Variants in ARHGEF12 observed in about 807,000 individuals in gnomAD.
The protein encoded by ARHGEF12 is KMT2A/ARHGEF12 fusion protein.
A neutral mutation model predicts 211.2 loss-of-function variants in ARHGEF12; 66 were observed. That is an observed-to-expected ratio of 0.31 (90% CI 0.26 to 0.38). The LOEUF is 0.38. ARHGEF12 is among the 10% of genes least tolerant of loss of function. The probability of loss-of-function intolerance (pLI) is 1.00; values close to 1 mark genes in which losing one functional copy is unlikely to be tolerated. For missense variants in ARHGEF12, 1,429 were observed against 1,869.5 expected, an observed-to-expected ratio of 0.76 and a Z score of 4.34; for synonymous variants, 592 against 638.4, an observed-to-expected ratio of 0.93 and a Z score of 1.09.
At chr11:120,471,226 G>A (rs1946854893) in intron 30 of ARHGEF12, among the ~76,000 whole-genome samples, 1 of 152,070 alleles carries the variant, frequency 6.6e-6, no homozygotes, top group African/African-American at 2.4e-5. Flanking sequence ...TTTATCAACA[G>A]AATGGATAAA....
At position 120,488,426 on chromosome 11, in the gene ARHGEF12, T is replaced by C. The variant is rs1051807514; in HGVS notation, c.*3349T>C. 9.3e-6 allele frequency: 2 copies of C among 215,994 alleles called. No homozygotes were observed. Among genetic ancestry groups the C allele is most frequent in the East Asian group, 6.9e-5 (1 of 14,548 alleles). 13.4% of individuals were successfully genotyped at this position (215,994 alleles called of 1,614,324 possible). On this transcript the variant is annotated 3_prime_UTR_variant, in exon 41 of 41. Transcript: ENST00000397843. ...CCTCATGGCTAGTTTTTCCCCCTTA[T>C]ATTACAATTTTTGTTTTATAAGTCA... is the stretch of plus-strand genomic sequence containing the variant.
intron 31 of ARHGEF12, 104 bp downstream of exon 31, chr11:120,473,231 C>A (rs1555122201): frequency 2.1e-6 from 2 of 968,946 alleles, no homozygotes; most frequent in Non-Finnish European, 3.1e-6. Context: ...TGAAGGAGTT[C>A]TTGTATCGTA....
In ARHGEF12 at chr11:120,481,306, C is replaced by T; in HGVS notation, c.4284C>T (p.Ser1428=). 1 of 1,614,188 alleles carries T rather than the reference C, an allele frequency of 6.2e-7. No individual in the cohort carries two copies. The highest frequency in any genetic ancestry group is 8.5e-7 in the Non-Finnish European group (1 of 1,180,030). Residue 1428 remains serine, a synonymous_variant, in exon 39 of 41, where the codon TCC becomes TCT. Coordinates refer to ENST00000397843, the MANE Select transcript of ARHGEF12 (RefSeq NM_015313.3). ...GCTATGACCCAGTGCAGGAGAGTTCCACAGATGAGGAGGTTGCTTCCTCAC... is the reference window on the plus strand; with the variant it reads ...GCTATGACCCAGTGCAGGAGAGTTCTACAGATGAGGAGGTTGCTTCCTCAC... ...LDGYDPVQES[S]TDEEVASSLT...
chr11:120,446,152 C>T (rs1462855643), intron 16 of ARHGEF12, among the ~76,000 whole-genome samples: 3 of 149,764 alleles, frequency 2.0e-5, no homozygotes, highest in African/African-American at 4.9e-5. Flanking sequence ...GAGCTGAGAT[C>T]GCGCCACTGC....
intron 4 of ARHGEF12, 103 bp downstream of exon 4, chr11:120,409,553 A>C (rs1345306346): frequency 1.6e-6 from 2 of 1,212,674 alleles, no homozygotes; most frequent in Non-Finnish European, 2.4e-6. Context: ...AAATAACTGC[A>C]GCCTTTCTTG....
chr11:120,423,579 G>A (rs558429397), intron 6 of ARHGEF12, among the ~76,000 whole-genome samples: 3 of 151,918 alleles, frequency 2.0e-5, no homozygotes, highest in South Asian at 2.1e-4. Flanking sequence ...GATAGCTGCC[G>A]TACAGTGAAA....
chr11:120,370,866 C>T (rs539094504), intron 1 of ARHGEF12, among the ~76,000 whole-genome samples: 1 of 151,542 alleles, frequency 6.6e-6, no homozygotes, highest in African/African-American at 2.4e-5. Flanking sequence ...CCCTTATCAC[C>T]TTTTAATTTT....
At chr11:120,476,620 C>G (rs750811256) in intron 33 of ARHGEF12, 41 bp from the exon 34 acceptor site, 2 of 1,512,486 alleles carry the variant, frequency 1.3e-6, no homozygotes, top group Admixed American at 3.6e-5. Flanking sequence ...ATGGCCTCCC[C>G]AGGTCATAGT....
intron 20 of ARHGEF12, 189 bp downstream of exon 20, chr11:120,448,537 T>C: frequency 3.5e-6 from 2 of 569,682 alleles, no homozygotes; most frequent in East Asian, 2.9e-5. Context: ...TATAAACTAT[T>C]ATTAGACAAT....
intron 1 of ARHGEF12, among the ~76,000 whole-genome samples, chr11:120,343,104 T>C (rs1359965037): frequency 1.3e-5 from 2 of 152,200 alleles, no homozygotes; most frequent in Non-Finnish European, 2.9e-5. Flanking sequence ...ATTGAAATAT[T>C]TTACTTTCTT....
chr11:120,464,200 A>AG (rs1185425549), intron 27 of ARHGEF12: 1 of 152,202 alleles, frequency 6.6e-6, no homozygotes, highest in Non-Finnish European at 1.5e-5. Flanking sequence ...TTTTATACTG[A>AG]GTAAGAAGGA....
intron 1 of ARHGEF12, among the ~76,000 whole-genome samples, chr11:120,341,776 T>C (rs1056833593): frequency 2.0e-5 from 3 of 152,238 alleles, no homozygotes; most frequent in Non-Finnish European, 4.4e-5. Context: ...TAAAACTTGG[T>C]TTTGATGATG....
intron 1 of ARHGEF12, among the ~76,000 whole-genome samples, chr11:120,387,439 T>C (rs1944071528): frequency 6.6e-6 from 1 of 152,110 alleles, no homozygotes; most frequent in Non-Finnish European, 1.5e-5. Flanking sequence ...ATAGGAATAA[T>C]AGACTTGTAT....
intron 2 of ARHGEF12, among the ~76,000 whole-genome samples, chr11:120,407,100 T>G (rs1319471166): frequency 1.3e-5 from 2 of 152,242 alleles, no homozygotes; most frequent in African/African-American, 4.8e-5. Flanking sequence ...GATCCAATGC[T>G]AACCTTGGCA....
chr11:120,401,848 T>C (rs1192021189), intron 1 of ARHGEF12, among the ~76,000 whole-genome samples: 1 of 152,222 alleles, frequency 6.6e-6, no homozygotes, highest in African/African-American at 2.4e-5. Flanking sequence ...TTTCTATGCA[T>C]TTTACTTAGC....
chr11:120,373,686 G>GT (rs1043420739), intron 1 of ARHGEF12, among the ~76,000 whole-genome samples: 27 of 151,778 alleles, frequency 1.8e-4, no homozygotes, highest in African/African-American at 5.8e-4. Flanking sequence ...ACCTTTCTAT[G>GT]TTTTTTTCCC....
At chr11:120,456,936 C>G (rs1293718561) in intron 22 of ARHGEF12, 182 bp from the exon 23 acceptor site, 6 of 545,082 alleles carry the variant, frequency 1.1e-5, no homozygotes, top group Non-Finnish European at 1.9e-5. Context: ...ATGGGAGGAT[C>G]ATGTGAGCCT....
chr11:120,457,861 C>T, intron 24 of ARHGEF12, 105 bp downstream of exon 24: 1 of 1,285,030 alleles, frequency 7.8e-7, no homozygotes, highest in East Asian at 2.5e-5. Context: ...GTATACCAAT[C>T]TGTTATGTAG....
At chr11:120,436,907 T>C (rs1338329948) in intron 11 of ARHGEF12, among the ~76,000 whole-genome samples, 2 of 152,150 alleles carry the variant, frequency 1.3e-5, no homozygotes, top group African/African-American at 2.4e-5. Context: ...AGAAGCTTAA[T>C]TGTACTCATA....
Sources: gnomAD v4.1 joint callset for allele counts (sites outside exome capture counted in the v4.1 genomes callset) on GRCh38, gnomAD v4.1.1 for gene constraint, MANE v1.5 for transcripts, NCBI Gene and HGNC (gene_info 2026-07-23, HGNC 2026-07-21) for gene names.